The following DNAJC11 variants were observed in gnomAD, a reference collection of about 807,000 sequenced individuals.
The protein encoded by DNAJC11 is dnaJ homolog subfamily C member 11.
DNAJC11 carries 15 observed loss-of-function variants against 78.6 expected under a neutral mutation model. The observed-to-expected ratio is 0.19, with a 90% CI of 0.13 to 0.29. The LOEUF (loss-of-function observed/expected upper bound fraction) is 0.29, where lower values mean the gene tolerates loss of function less well. Among genes scored for constraint, DNAJC11 ranks in the 10% least tolerant of loss-of-function variants. The pLI is 1.00. For synonymous variants in DNAJC11, 292 were observed against 272.1 expected (o/e 1.07, Z -0.72); for missense variants, 547 against 709.6 (o/e 0.77, Z 2.60).
intron 1 of DNAJC11, among the ~76,000 whole-genome samples, chr1:6,696,693 T>C (rs1642842510): frequency 6.6e-6 from 1 of 152,256 alleles, no homozygotes; most frequent in Non-Finnish European, 1.5e-5. Flanking sequence ...TCTAGTTTCA[T>C]GGCTGTTCTG....
intron 1 of DNAJC11, 152 bp from the exon 2 acceptor site, chr1:6,681,189 A>G: frequency 1.4e-6 from 1 of 736,356 alleles, no homozygotes; most frequent in Non-Finnish European, 2.1e-6. Context: ...TATCACCTCA[A>G]CAAGGCTTCT....
intron 1 of DNAJC11, among the ~76,000 whole-genome samples, chr1:6,700,909 C>G (rs1026829811): frequency 6.6e-6 from 1 of 152,192 alleles, no homozygotes; most frequent in Non-Finnish European, 1.5e-5. Flanking sequence ...ACCCTGGAAG[C>G]CTTCTCGCCC....
intron 1 of DNAJC11, among the ~76,000 whole-genome samples, chr1:6,690,053 C>G (rs156987): frequency 1.3e-5 from 2 of 152,000 alleles, no homozygotes; most frequent in Non-Finnish European, 2.9e-5. Context: ...TCGGAAAGAT[C>G]AAGTGACTTA....
chr1:6,634,457 C>T lies in DNAJC11; in HGVS notation c.*1218G>A, dbSNP rs145157732. The stretch of plus-strand genomic sequence containing the variant: ...CAGATACCAGTGCTGGGGAGGGAGG[C>T]CTGACTTCAGCAACAGCTGTGGGTG... On this transcript the variant is annotated 3_prime_UTR_variant, in exon 16 of 16. Transcript: ENST00000377577. 7.7e-7 allele frequency: 1 copy of T among 1,299,980 alleles called. No individual in the cohort carries two copies. Among genetic ancestry groups the T allele is most frequent in the East Asian group, 5.0e-5 (1 of 19,904 alleles). The allele number at this position is 1,299,980 out of a possible 1,614,324, so 80.5% of individuals were successfully genotyped here.
At chr1:6,649,786 C>T (rs954642459) in intron 7 of DNAJC11, among the ~76,000 whole-genome samples, 2 of 151,282 alleles carry the variant, frequency 1.3e-5, no homozygotes, top group Non-Finnish European at 2.9e-5. Context: ...TGGATCATTG[C>T]AACCTCCGCC....
rs779961510 is a variant in DNAJC11, at chr1:6,644,993, C to T, written c.980+48G>A. The T allele has an allele frequency of 3.2e-6, 5 of 1,546,092 alleles. No individual in the cohort carries two copies. The African/African-American group carries it at 6.8e-5, about 21-fold the overall frequency. On this transcript the variant is annotated intron_variant, in intron 9 of 15. Coordinates refer to ENST00000377577, the MANE Select transcript of DNAJC11 (RefSeq NM_018198.4). ...CACCAACTGGTTCCACTGTGAAGAC[C>T]CGCATGCAGTACCAGTGTGCTTCCA...
rs1370556886 is a variant in DNAJC11 at position 6,666,584 on chromosome 1, T to C, written c.378+1125A>G. ...CTGGCTAATTTTTTTGTATTTTTAG[T>C]AGAGATGGGGTTTCACCATATTGCC... On this transcript the variant is annotated intron_variant, in intron 4 of 15. Coordinates refer to ENST00000377577, the MANE Select transcript of DNAJC11 (RefSeq NM_018198.4). Among the ~76,000 whole-genome samples, 12 of 152,068 alleles carry C rather than the reference T, an allele frequency of 7.9e-5. No individual in the cohort carries two copies. In the South Asian group the frequency reaches 1.0e-3, roughly 13 times the overall value.
rs201717591 is a variant in DNAJC11 at position 6,638,277 on chromosome 1, C to T, written c.1323+18G>A. ...GTCCCCTACAGCCCTCGCTTGGGAACGGTGGGGCAGCACTCACAGCGGACT... is the reference window on the plus strand; with the variant it reads ...GTCCCCTACAGCCCTCGCTTGGGAATGGTGGGGCAGCACTCACAGCGGACT... On this transcript the variant is annotated intron_variant, in intron 12 of 15. Coordinates refer to ENST00000377577, the MANE Select transcript of DNAJC11 (RefSeq NM_018198.4). 382 of 1,609,350 alleles carry T rather than the reference C, an allele frequency of 2.4e-4. No individual in the cohort carries two copies. The highest frequency in any genetic ancestry group is 3.1e-4 in the Non-Finnish European group (362 of 1,176,728).
At chr1:6,639,477 G>A (rs1442237774) in intron 11 of DNAJC11, among the ~76,000 whole-genome samples, 1 of 151,960 alleles carries the variant, frequency 6.6e-6, no homozygotes, top group Non-Finnish European at 1.5e-5. Flanking sequence ...TTACAGGCAC[G>A]TGCCACCACG....
chr1:6,697,768 T>C (rs536440211), intron 1 of DNAJC11, among the ~76,000 whole-genome samples: 39 of 152,270 alleles, frequency 2.6e-4, no homozygotes, highest in Non-Finnish European at 5.3e-4. Context: ...ATTGTTGACA[T>C]TTCTATATTA....
intron 1 of DNAJC11, among the ~76,000 whole-genome samples, chr1:6,687,265 T>C (rs1642669686): frequency 6.6e-6 from 1 of 151,384 alleles, no homozygotes; most frequent in African/African-American, 2.4e-5. Context: ...AGCAACCACT[T>C]AACTGGACTT....
intron 6 of DNAJC11, 60 bp downstream of exon 6, chr1:6,652,769 T>C: frequency 6.2e-7 from 1 of 1,607,660 alleles, no homozygotes; most frequent in South Asian, 1.1e-5. Flanking sequence ...TTTGAGAGTG[T>C]AAATGTTCAG....
intron 1 of DNAJC11, among the ~76,000 whole-genome samples, chr1:6,694,789 C>A (rs1261593430): frequency 6.7e-6 from 1 of 150,342 alleles, no homozygotes; most frequent in South Asian, 2.1e-4. Context: ...CACGGTGAAA[C>A]CCCGTCTCTA....
chr1:6,637,309 C>T lies in DNAJC11; in HGVS notation c.1413G>A (p.Lys471=). 1.2e-6 allele frequency: 2 copies of T among 1,614,210 alleles called. No homozygotes were observed. The highest frequency in any genetic ancestry group is 1.1e-5 in the South Asian group (1 of 91,088). ...GLIIVNAWYG[K]FVNDKSRKSE... ...TCTTCCTGCTCTTGTCATTGACAAA[C>T]TTCCCGTACCAGGCATTGACGATGA... Residue 471 remains lysine (K), a synonymous_variant, in exon 14 of 16, where the codon AAG becomes AAA. Transcript: ENST00000377577.
At chr1:6,644,444 G>C (rs1425937341) in intron 10 of DNAJC11, 114 bp downstream of exon 10, 46 of 837,498 alleles carry the variant, frequency 5.5e-5, no homozygotes, top group Non-Finnish European at 8.7e-5. Flanking sequence ...AAGCAACTGT[G>C]TCTTTAAGAA....
chr1:6,637,970 A>G (rs577624301), intron 12 of DNAJC11: 5 of 391,288 alleles, frequency 1.3e-5, no homozygotes, highest in African/African-American at 6.1e-5. Context: ...CAGGCCGCGC[A>G]CACGGCCCAT....
intron 14 of DNAJC11, among the ~76,000 whole-genome samples, 199 bp from the exon 15 acceptor site, chr1:6,636,445 T>G (rs1186784147): frequency 6.6e-6 from 1 of 152,184 alleles, no homozygotes; most frequent in Non-Finnish European, 1.5e-5. Context: ...ATCCTCACAC[T>G]AAGACAGGGC....
intron 1 of DNAJC11, among the ~76,000 whole-genome samples, chr1:6,682,002 A>G (rs751978713): frequency 2.6e-5 from 4 of 152,014 alleles, no homozygotes; most frequent in Non-Finnish European, 4.4e-5. Context: ...GGTCACTGAC[A>G]TGCTAGAGGG....
rs1019956033 is a variant in DNAJC11 at position 6,635,199 on chromosome 1, G to A, written c.*476C>T. On this transcript the variant is annotated 3_prime_UTR_variant, in exon 16 of 16. Coordinates refer to ENST00000377577, the MANE Select transcript of DNAJC11 (RefSeq NM_018198.4). ...TATTTCAGCAAGAGGAGGTGGTCAT[G>A]GGAAGCCAGCACAGCAGAGGCTCCC... is the stretch of plus-strand genomic sequence containing the variant. 6 of 172,654 alleles carry A rather than the reference G, an allele frequency of 3.5e-5. No homozygotes were observed. Among genetic ancestry groups the A allele is most frequent in the Non-Finnish European group, 5.1e-5 (4 of 78,692 alleles). 10.7% of individuals were successfully genotyped at this position (172,654 alleles called of 1,614,324 possible). A position where few individuals can be genotyped will look rare whatever the true frequency, so the allele number is the denominator to read the frequency against.
Sources: allele counts gnomAD v4.1 joint callset (sites outside exome capture counted in the v4.1 genomes callset), GRCh38; gene constraint gnomAD v4.1.1; transcripts MANE v1.5; gene names NCBI Gene and HGNC (gene_info 2026-07-23, HGNC 2026-07-21).